Variants in WDR1 observed in about 807,000 individuals in gnomAD.
The protein encoded by WDR1 is WD repeat domain 1, also known as WD repeat-containing protein 1.
A neutral mutation model predicts 71.9 loss-of-function variants in WDR1; 21 were observed. That is an observed-to-expected ratio of 0.29 (90% CI 0.21 to 0.42). WDR1 has a LOEUF of 0.42. Ranked by LOEUF, WDR1 falls within the 10% of genes least tolerant of loss-of-function variation. The pLI is 1.00. For missense variants in WDR1, 696 were observed against 824.5 expected (o/e 0.84, Z 1.91); for synonymous variants, 424 against 347.4 (o/e 1.22, Z -2.45).
intron 2 of WDR1, among the ~76,000 whole-genome samples, chr4:10,107,627 C>G (rs925229275): frequency 1.3e-5 from 2 of 152,168 alleles, no homozygotes; most frequent in Non-Finnish European, 2.9e-5. Context: ...GCCCCAGACC[C>G]CTTCCCCAGT....
At chr4:10,081,553 A>G in intron 10 of WDR1, 109 bp from the exon 11 acceptor site, 1 of 915,024 alleles carries the variant, frequency 1.1e-6, no homozygotes, top group Non-Finnish European at 1.7e-6. Flanking sequence ...AGGCAATTCT[A>G]TTGCCACCTA....
At chr4:10,103,435 A>C (rs1355907073) in intron 3 of WDR1, among the ~76,000 whole-genome samples, 2 of 152,094 alleles carry the variant, frequency 1.3e-5, no homozygotes, top group Admixed American at 6.5e-5. Flanking sequence ...GCAACACTAC[A>C]AACTAGAAAG....
intron 3 of WDR1, among the ~76,000 whole-genome samples, chr4:10,100,248 G>T (rs1712607803): frequency 6.6e-6 from 1 of 152,232 alleles, no homozygotes; most frequent in Non-Finnish European, 1.5e-5. Context: ...CTTGGGAGCA[G>T]GGGCCCTGGG....
intron 3 of WDR1, among the ~76,000 whole-genome samples, chr4:10,103,087 A>C (rs1440766300): frequency 2.0e-5 from 3 of 152,072 alleles, no homozygotes; most frequent in Non-Finnish European, 4.4e-5. Context: ...AAGAGGAAAG[A>C]TCTCTCCACC....
chr4:10,108,584 C>T (rs565265643), intron 2 of WDR1, among the ~76,000 whole-genome samples: 1 of 152,324 alleles, frequency 6.6e-6, no homozygotes, highest in Admixed American at 6.5e-5. Flanking sequence ...ACTCCAAGTT[C>T]CTGCAAGCAA....
chr4:10,113,074 G>A (rs55842116), intron 2 of WDR1, among the ~76,000 whole-genome samples: 1,662 of 152,344 alleles, frequency 0.011, 23 homozygotes, highest in African/African-American at 0.038. Flanking sequence ...CAAAGGGAAA[G>A]GCCTAGTGTG....
chr4:10,108,650 G>A (rs1197225155), intron 2 of WDR1, among the ~76,000 whole-genome samples: 2 of 152,150 alleles, frequency 1.3e-5, no homozygotes, highest in African/African-American at 4.8e-5. Context: ...AACTGGCCAG[G>A]GCCCTTATGT....
chr4:10,092,527 T>TACAAA, intron 5 of WDR1: 1 of 157,278 alleles, frequency 6.4e-6, no homozygotes, highest in South Asian at 1.9e-4. Flanking sequence ...TGTCCCTCCC[T>TACAAA]GGCCCCAGAA....
chr4:10,090,916 C>G (rs192669448), intron 5 of WDR1, among the ~76,000 whole-genome samples: 9 of 152,372 alleles, frequency 5.9e-5, no homozygotes, highest in Admixed American at 2.6e-4. Flanking sequence ...GACTGAAGAG[C>G]TCGTCCTCTG....
chr4:10,108,226 G>A (rs1207909241), intron 2 of WDR1: 1 of 152,094 alleles, frequency 6.6e-6, no homozygotes, highest in African/African-American at 2.4e-5. Flanking sequence ...ACTTTCCTAT[G>A]TCCTCCCAGT....
intron 5 of WDR1, among the ~76,000 whole-genome samples, chr4:10,091,114 C>T (rs1711948785): frequency 1.3e-5 from 2 of 152,258 alleles, no homozygotes; most frequent in Non-Finnish European, 2.9e-5. Flanking sequence ...GTGCAGTACC[C>T]AGGCGGGCCC....
chr4:10,110,424 A>G (rs1713280332), intron 2 of WDR1, among the ~76,000 whole-genome samples: 1 of 152,228 alleles, frequency 6.6e-6, no homozygotes, highest in African/African-American at 2.4e-5. Flanking sequence ...AGATGGCTTC[A>G]GTATCCCTCC....
At chr4:10,088,166 T>A (rs79174933) in intron 7 of WDR1, 127 bp downstream of exon 7, 1 of 1,036,368 alleles carries the variant, frequency 9.6e-7, no homozygotes. Context: ...TGGGCAGATA[T>A]AAAACCGCCC....
chr4:10,086,898 G>A (rs74366834), intron 8 of WDR1, among the ~76,000 whole-genome samples: 2,552 of 152,270 alleles, frequency 0.017, 64 homozygotes, highest in African/African-American at 0.058. Flanking sequence ...AGGCGAGGGC[G>A]CTGCTGTGAG....
At chr4:10,084,642 A>C in intron 8 of WDR1, 112 bp from the exon 9 acceptor site, 1 of 972,334 alleles carries the variant, frequency 1.0e-6, no homozygotes, top group Non-Finnish European at 1.6e-6. Flanking sequence ...ACGCCCCTCA[A>C]TCCATGGCAG....
At chr4:10,098,152 C>T (rs1712468309) in intron 4 of WDR1, among the ~76,000 whole-genome samples, 1 of 152,164 alleles carries the variant, frequency 6.6e-6, no homozygotes, top group African/African-American at 2.4e-5. Context: ...TGTGGGGCCC[C>T]ACGCCACAGG....
intron 2 of WDR1, among the ~76,000 whole-genome samples, chr4:10,108,649 G>C (rs1713166659): frequency 6.6e-6 from 1 of 152,224 alleles, no homozygotes; most frequent in Admixed American, 6.5e-5. Flanking sequence ...TAACTGGCCA[G>C]GGCCCTTATG....
intron 2 of WDR1, 119 bp from the exon 3 acceptor site, chr4:10,104,105 G>GTGAAGAAAATC (rs1712877786): frequency 2.7e-6 from 3 of 1,104,786 alleles, no homozygotes; most frequent in Non-Finnish European, 4.0e-6. Flanking sequence ...AGCTAAAACC[G>GTGAAGAAAATC]TGAAGAAAAC....
chr4:10,077,495 C>T (rs1337085947), intron 13 of WDR1, 47 bp from the exon 14 acceptor site: 161 of 1,612,320 alleles, frequency 1.0e-4, no homozygotes, highest in Middle Eastern at 3.3e-4. Context: ...AGGTTCAGGC[C>T]GCAGTTGCCC....
Sources: allele counts gnomAD v4.1 joint callset (sites outside exome capture counted in the v4.1 genomes callset), GRCh38; gene constraint gnomAD v4.1.1; transcripts MANE v1.5; gene names NCBI Gene and HGNC (gene_info 2026-07-23, HGNC 2026-07-21).